Variants in CPPED1 observed in about 807,000 individuals in gnomAD.
CPPED1 encodes serine/threonine-protein phosphatase CPPED1.
CPPED1 carries 28 observed loss-of-function variants against 28.0 expected under a neutral mutation model. The observed-to-expected ratio is 1.00, with a 90% confidence interval of 0.74 to 1.37. The LOEUF is 1.37. CPPED1 is among the 40% of genes most tolerant of loss of function. The pLI is 0.00. For synonymous variants in CPPED1, 198 were observed against 180.2 expected (o/e 1.10, Z -0.79); for missense variants, 504 against 416.5 (o/e 1.21, Z -1.83).
chr16:12,687,331 G>A (rs1019008140), intron 3 of CPPED1, among the ~76,000 whole-genome samples: 71 of 152,010 alleles, frequency 4.7e-4, no homozygotes, highest in African/African-American at 1.7e-3. Context: ...TTTAAAAAAA[G>A]AAATGAAATA....
chr16:12,783,739 C>A (rs1416503716), intron 1 of CPPED1, among the ~76,000 whole-genome samples: 2 of 151,936 alleles, frequency 1.3e-5, no homozygotes, highest in Non-Finnish European at 2.9e-5. Context: ...AAAAAGTGAA[C>A]AAAAATACCT....
At chr16:12,677,409 C>T (rs1290832063) in intron 3 of CPPED1, among the ~76,000 whole-genome samples, 2 of 152,232 alleles carry the variant, frequency 1.3e-5, no homozygotes, top group Non-Finnish European at 2.9e-5. Context: ...GAGGCCGAGG[C>T]GTGCAGATCA....
chr16:12,763,945 G>C (rs57483657), intron 2 of CPPED1, among the ~76,000 whole-genome samples: 26,414 of 151,754 alleles, frequency 0.17, 3,157 homozygotes, highest in African/African-American at 0.34. Context: ...ACTGAAAAAA[G>C]TGAAACAAAT....
intron 2 of CPPED1, among the ~76,000 whole-genome samples, chr16:12,767,079 G>C (rs548532923): frequency 2.0e-5 from 3 of 152,166 alleles, no homozygotes; most frequent in East Asian, 3.9e-4. Context: ...AGATATGTAA[G>C]AGGAGGCTTA....
chr16:12,735,579 C>T (rs964213672), intron 2 of CPPED1, among the ~76,000 whole-genome samples: 2 of 152,220 alleles, frequency 1.3e-5, no homozygotes, highest in African/African-American at 4.8e-5. Context: ...GCTGGGATTA[C>T]AGGCACGAGC....
intron 3 of CPPED1, among the ~76,000 whole-genome samples, chr16:12,701,421 T>C (rs1486465631): frequency 3.3e-5 from 5 of 151,844 alleles, no homozygotes; most frequent in African/African-American, 1.2e-4. Flanking sequence ...GTAATCCCAG[T>C]TACTCGGGAG....
At chr16:12,757,959 G>A (rs570038764) in intron 2 of CPPED1, 1 of 151,778 alleles carries the variant, frequency 6.6e-6, no homozygotes, top group Non-Finnish European at 1.5e-5. Context: ...ATGCAATTAA[G>A]TATCCACTCT....
At chr16:12,795,436 C>T (rs1482271398) in intron 1 of CPPED1, among the ~76,000 whole-genome samples, 6 of 152,242 alleles carry the variant, frequency 3.9e-5, no homozygotes, top group South Asian at 2.1e-4. Flanking sequence ...GCCTCCCAGG[C>T]GCATGCAGTT....
chr16:12,779,222 T>G (rs2080515360), intron 2 of CPPED1, among the ~76,000 whole-genome samples: 1 of 152,096 alleles, frequency 6.6e-6, no homozygotes, highest in Admixed American at 6.6e-5. Context: ...TCTTTTCTTC[T>G]TCTTTTTTCT....
chr16:12,667,412 T>A (rs2141164473), intron 3 of CPPED1, among the ~76,000 whole-genome samples: 1 of 152,250 alleles, frequency 6.6e-6, no homozygotes, highest in South Asian at 2.1e-4. Flanking sequence ...CATTTAGAGA[T>A]GGTGGACACA....
chr16:12,779,695 T>C (rs567031501), intron 2 of CPPED1, among the ~76,000 whole-genome samples: 1 of 152,066 alleles, frequency 6.6e-6, no homozygotes, highest in Non-Finnish European at 1.5e-5. Context: ...GTTTTCATTA[T>C]GGGTTTTGTT....
At chr16:12,669,311 T>A (rs1324740964) in intron 3 of CPPED1, among the ~76,000 whole-genome samples, 1 of 152,140 alleles carries the variant, frequency 6.6e-6, no homozygotes, top group Non-Finnish European at 1.5e-5. Flanking sequence ...CAGTGGTTGC[T>A]AGGGGCTGAG....
chr16:12,716,130 C>G (rs2141194471), intron 2 of CPPED1, among the ~76,000 whole-genome samples: 1 of 152,280 alleles, frequency 6.6e-6, no homozygotes, highest in Non-Finnish European at 1.5e-5. Flanking sequence ...AATGAAAAAC[C>G]ATGAAAGAGA....
At chr16:12,692,523 C>A (rs556463573) in intron 3 of CPPED1, among the ~76,000 whole-genome samples, 92 of 152,298 alleles carry the variant, frequency 6.0e-4, no homozygotes, top group African/African-American at 2.1e-3. Context: ...ATCTGATCCC[C>A]ACAAAACCCA....
intron 2 of CPPED1, among the ~76,000 whole-genome samples, chr16:12,762,300 T>G (rs2080414402): frequency 6.6e-6 from 1 of 152,196 alleles, no homozygotes; most frequent in Non-Finnish European, 1.5e-5. Flanking sequence ...CTTGGACCAC[T>G]AGGGATATTA....
At chr16:12,745,187 C>G (rs893789577) in intron 2 of CPPED1, among the ~76,000 whole-genome samples, 1 of 151,940 alleles carries the variant, frequency 6.6e-6, no homozygotes, top group Non-Finnish European at 1.5e-5. Context: ...GAGGTGGGGA[C>G]AGAAAAAATA....
intron 3 of CPPED1, among the ~76,000 whole-genome samples, chr16:12,688,564 C>G (rs1012166401): frequency 9.2e-5 from 14 of 152,098 alleles, no homozygotes; most frequent in Non-Finnish European, 1.9e-4. Context: ...GTCTCGAACT[C>G]CGACCTCAGG....
At chr16:12,720,032 CCTAT>C (rs1390790609) in intron 2 of CPPED1, among the ~76,000 whole-genome samples, 1 of 152,152 alleles carries the variant, frequency 6.6e-6, no homozygotes, top group Non-Finnish European at 1.5e-5. Context: ...TACACACACA[CCTAT>C]CTGTTTTTAT....
At chr16:12,702,095 C>T (rs1242484779) in intron 3 of CPPED1, among the ~76,000 whole-genome samples, 4 of 152,102 alleles carry the variant, frequency 2.6e-5, no homozygotes, top group African/African-American at 9.7e-5. Context: ...TCTCTGGGAG[C>T]TGGGATAATT....
Sources: gnomAD v4.1 joint callset for allele counts (sites outside exome capture counted in the v4.1 genomes callset) on GRCh38, gnomAD v4.1.1 for gene constraint, MANE v1.5 for transcripts, NCBI Gene and HGNC (gene_info 2026-07-23, HGNC 2026-07-21) for gene names.